Variants in CSMD1 observed in about 807,000 individuals in gnomAD.
CSMD1 encodes CUB and sushi domain-containing protein 1.
A neutral mutation model predicts 417.5 loss-of-function variants in CSMD1; 213 were observed. That is an observed-to-expected ratio of 0.51 (90% CI 0.46 to 0.57). CSMD1 has a LOEUF of 0.57. CSMD1 is among the 20% of genes least tolerant of loss of function. CSMD1 has a pLI of 0.00. For missense variants in CSMD1, 6,923 were observed against 4,529.7 expected, an observed-to-expected ratio of 1.53 and a Z score of -15.17; for synonymous variants, 2,862 against 1,736.8, an observed-to-expected ratio of 1.65 and a Z score of -16.11.
At chr8:4,168,037 T>A (rs10156334) in intron 3 of CSMD1, among the ~76,000 whole-genome samples, 1 of 151,284 alleles carries the variant, frequency 6.6e-6, no homozygotes, top group Non-Finnish European at 1.5e-5. Flanking sequence ...GCTGAGGCCG[T>A]AGAATTGCTT....
intron 3 of CSMD1, among the ~76,000 whole-genome samples, chr8:4,302,779 G>C (rs1233096648): frequency 1.3e-5 from 2 of 152,108 alleles, no homozygotes; most frequent in East Asian, 3.9e-4. Context: ...AGGTAGAGTT[G>C]GCACCGTCAG....
At chr8:3,582,132 A>G (rs1403309743) in intron 9 of CSMD1, among the ~76,000 whole-genome samples, 1 of 152,160 alleles carries the variant, frequency 6.6e-6, no homozygotes, top group Non-Finnish European at 1.5e-5. Flanking sequence ...GTGGTAATGG[A>G]AGAGTGACAA....
intron 3 of CSMD1, among the ~76,000 whole-genome samples, chr8:4,249,642 T>C (rs973433142): frequency 6.6e-6 from 1 of 152,166 alleles, no homozygotes. Flanking sequence ...GTGTGGAACG[T>C]GGCTCTAGGC....
chr8:3,284,970 A>C (rs1019781554), intron 25 of CSMD1, among the ~76,000 whole-genome samples: 2 of 152,180 alleles, frequency 1.3e-5, no homozygotes, highest in Non-Finnish European at 2.9e-5. Context: ...TTAGACTTCC[A>C]GGTATTTTTC....
intron 5 of CSMD1, among the ~76,000 whole-genome samples, chr8:3,932,030 T>A (rs1343100824): frequency 1.0e-4 from 15 of 150,284 alleles, no homozygotes; most frequent in African/African-American, 3.4e-4. Flanking sequence ...ATTTTGTGAC[T>A]TCAGTTCTAA....
chr8:4,456,695 G>C (rs577271338), intron 2 of CSMD1, among the ~76,000 whole-genome samples: 40 of 152,220 alleles, frequency 2.6e-4, no homozygotes, highest in African/African-American at 9.4e-4. Flanking sequence ...TGGCTCTGGT[G>C]GAAGAAACAG....
chr8:4,894,312 CATTTTTT>C (rs1000446708), intron 1 of CSMD1, among the ~76,000 whole-genome samples: 3 of 151,900 alleles, frequency 2.0e-5, no homozygotes, highest in African/African-American at 7.3e-5. Flanking sequence ...ATACATTTTT[CATTTTTT>C]ATTTAATTTT....
chr8:3,489,676 T>C (rs1446883262), intron 11 of CSMD1, among the ~76,000 whole-genome samples: 2 of 152,234 alleles, frequency 1.3e-5, no homozygotes, highest in African/African-American at 4.8e-5. Context: ...TTCATGTTTT[T>C]ATTCTTTTAT....
intron 2 of CSMD1, among the ~76,000 whole-genome samples, chr8:4,583,287 C>T (rs749868160): frequency 2.4e-4 from 37 of 152,324 alleles, no homozygotes; most frequent in African/African-American, 7.5e-4. Context: ...AAGCCAGCTG[C>T]GCTCCTGAGT....
intron 10 of CSMD1, among the ~76,000 whole-genome samples, chr8:3,550,748 C>A (rs766133501): frequency 2.0e-5 from 3 of 152,192 alleles, no homozygotes; most frequent in Non-Finnish European, 2.9e-5. Context: ...AGCTTCATGG[C>A]CAACCAGGCT....
intron 3 of CSMD1, among the ~76,000 whole-genome samples, chr8:4,390,820 C>A (rs898409903): frequency 6.6e-5 from 10 of 152,126 alleles, no homozygotes; most frequent in Admixed American, 2.0e-4. Flanking sequence ...GGATTACAGA[C>A]ATGAGCCACC....
intron 3 of CSMD1, among the ~76,000 whole-genome samples, chr8:4,061,218 G>C (rs1382159149): frequency 6.6e-6 from 1 of 152,170 alleles, no homozygotes; most frequent in Non-Finnish European, 1.5e-5. Context: ...ACCCAGCCCT[G>C]CTGATTAGAG....
At chr8:4,188,143 C>T (rs193099917) in intron 3 of CSMD1, among the ~76,000 whole-genome samples, 1 of 152,204 alleles carries the variant, frequency 6.6e-6, no homozygotes, top group African/African-American at 2.4e-5. Context: ...CTGCCACACA[C>T]ATCCTAACGT....
chr8:3,884,469 G>A (rs1023695088), intron 5 of CSMD1, among the ~76,000 whole-genome samples: 1 of 152,150 alleles, frequency 6.6e-6, no homozygotes, highest in Admixed American at 6.6e-5. Flanking sequence ...GCCAGCCTGA[G>A]CAGGGCCCCG....
At chr8:3,494,606 AGATG>A (rs1796288890) in intron 10 of CSMD1, among the ~76,000 whole-genome samples, 1 of 138,674 alleles carries the variant, frequency 7.2e-6, no homozygotes, top group African/African-American at 2.7e-5. Context: ...ATAGATAGAT[AGATG>A]ACAGATAGTA....
rs189370324 is a variant in CSMD1, at chr8:4,209,169, G to T, written c.416-177070C>A. Among the ~76,000 whole-genome samples, 197 of 152,228 alleles carry T rather than the reference G, an allele frequency of 1.3e-3. 2 individuals are homozygous for T. The highest frequency in any genetic ancestry group is 4.5e-3 in the African/African-American group (187 of 41,534). ...ACCAAAATCTGCCCTAGAGCCCAAG[G>T]TTCTTTCCAGATGTAGGTGGCTTTA... On this transcript the variant is annotated intron_variant, in intron 3 of 69. Transcript: ENST00000635120.
intron 26 of CSMD1, among the ~76,000 whole-genome samples, chr8:3,236,520 T>C (rs529468827): frequency 1.8e-4 from 27 of 152,298 alleles, no homozygotes; most frequent in African/African-American, 6.5e-4. Flanking sequence ...TTTATTTTCC[T>C]CTAGTTATGA....
At chr8:4,904,055 G>A (rs1465092308) in intron 1 of CSMD1, among the ~76,000 whole-genome samples, 2 of 152,080 alleles carry the variant, frequency 1.3e-5, no homozygotes, top group Non-Finnish European at 2.9e-5. Flanking sequence ...ATTAGTGTAA[G>A]ATTTGAGAAA....
intron 2 of CSMD1, among the ~76,000 whole-genome samples, chr8:4,453,998 T>G (rs1254256693): frequency 6.6e-6 from 1 of 151,446 alleles, no homozygotes; most frequent in Non-Finnish European, 1.5e-5. Flanking sequence ...ATTTTTTGTA[T>G]TTTTTAGTAG....
Sources: allele counts gnomAD v4.1 joint callset (sites outside exome capture counted in the v4.1 genomes callset), GRCh38; gene constraint gnomAD v4.1.1; transcripts MANE v1.5; gene names NCBI Gene and HGNC (gene_info 2026-07-23, HGNC 2026-07-21).